Variants in TSN observed in about 807,000 individuals in gnomAD.
The protein encoded by TSN is component 3 of promoter of RISC.
Under a neutral mutation model 29.4 loss-of-function variants are expected in TSN, and 5 were observed. The observed-to-expected ratio is 0.17, with a 90% confidence interval of 0.09 to 0.36. The LOEUF is 0.36. TSN is among the 10% of genes least tolerant of loss of function. The pLI is 1.00. For synonymous variants in TSN, 106 were observed against 102.2 expected (o/e 1.04, Z -0.23); for missense variants, 159 against 272.8 (o/e 0.58, Z 2.94).
intron 1 of TSN, chr2:121,756,596 C>T (rs537426932): frequency 7.7e-7 from 1 of 1,291,286 alleles, no homozygotes; most frequent in South Asian, 1.2e-5. Context: ...TAAGTATGCT[C>T]AGTGAATATT....
In TSN at chr2:121,766,678, G is replaced by A. The variant is rs1573394343; in HGVS notation, c.*1311G>A. 6.6e-6 allele frequency: 1 copy of A among 152,190 alleles called. No homozygotes were observed. Among genetic ancestry groups the A allele is most frequent in the Admixed American group, 6.5e-5 (1 of 15,274 alleles). 9.4% of individuals were successfully genotyped at this position (152,190 alleles called of 1,614,324 possible). A position where few individuals can be genotyped will look rare whatever the true frequency, so the allele number is the denominator to read the frequency against. On this transcript the variant is annotated 3_prime_UTR_variant, in exon 6 of 6. Transcript: ENST00000389682. ...CTATTGAATTGAGATGATTAAAATG[G>A]TGACTTAATCCGTAGTTATTTTGCA...
chr2:121,756,677 G>A (rs1336412394), intron 1 of TSN: 2 of 1,281,438 alleles, frequency 1.6e-6, no homozygotes, highest in East Asian at 5.8e-5. Flanking sequence ...GGCCGAGGCG[G>A]CCAGATCACC....
chr2:121,765,464 A>T lies in TSN; in HGVS notation c.*97A>T. On this transcript the variant is annotated 3_prime_UTR_variant, in exon 6 of 6. Coordinates refer to ENST00000389682, the MANE Select transcript of TSN (RefSeq NM_004622.3). ...ACGGTAGTTAGGATGCTCAGTTGCT[A>T]AACACTGCGCTTTATTTTCTTAACC... 9.2e-7 allele frequency: 1 copy of T among 1,087,526 alleles called. No homozygotes were observed. The highest frequency in any genetic ancestry group is 1.4e-6 in the Non-Finnish European group (1 of 735,322). The allele number at this position is 1,087,526 out of a possible 1,614,324, so 67.4% of individuals were successfully genotyped here.
intron 2 of TSN, among the ~76,000 whole-genome samples, chr2:121,758,196 C>T (rs2074776096): frequency 6.6e-6 from 1 of 152,054 alleles, no homozygotes; most frequent in Non-Finnish European, 1.5e-5. Context: ...GACATGGAAC[C>T]TTCATTGTAA....
chr2:121,756,943 T>C (rs2074758682), intron 1 of TSN, among the ~76,000 whole-genome samples: 1 of 151,306 alleles, frequency 6.6e-6, no homozygotes, highest in Admixed American at 6.6e-5. Flanking sequence ...GAATTAGAAA[T>C]ACCCGACTCT....
chr2:121,760,871 C>CT (rs187719044), intron 3 of TSN, among the ~76,000 whole-genome samples: 23,590 of 132,802 alleles, frequency 0.18, 3,624 homozygotes, highest in African/African-American at 0.4. Context: ...TTTTTTCTGT[C>CT]TTTTTTTTTT....
chr2:121,757,194 CAA>C (rs1553420186), intron 1 of TSN, 44 bp from the exon 2 acceptor site: 9 of 1,556,140 alleles, frequency 5.8e-6, no homozygotes, highest in Middle Eastern at 3.4e-4. Flanking sequence ...GAGTGTATGA[CAA>C]TGATTCTGTT....
At chr2:121,762,942 A>G (rs1260016858) in intron 4 of TSN, 63 bp from the exon 5 acceptor site, 1 of 1,420,448 alleles carries the variant, frequency 7.0e-7, no homozygotes, top group Non-Finnish European at 9.6e-7. Context: ...TTATGTGTAT[A>G]TTTTTATATT....
In TSN at chr2:121,763,074, C is replaced by G. The variant is rs1202871759; in HGVS notation, c.443C>G (p.Ala148Gly). 3.1e-6 allele frequency: 5 copies of G among 1,607,730 alleles called. No individual in the cohort carries two copies. The highest frequency in any genetic ancestry group is 4.2e-6 in the Non-Finnish European group (5 of 1,177,878). ...EDYLSGVLIL[A>G]SELSRLSVNS... ...TATCTCTCAGGAGTTCTAATTCTTG[C>G]CAGTGAACTGGTAAGCTCAGTAACT... The change falls in exon 5 of 6, where the codon GCC becomes GGC. Residue 148 changes from alanine to glycine, a missense_variant. Physicochemically the swap from Ala to Gly is moderately conservative, Grantham distance 60 (BLOSUM62 0). Coordinates refer to ENST00000389682, the MANE Select transcript of TSN (RefSeq NM_004622.3).
intron 3 of TSN, among the ~76,000 whole-genome samples, chr2:121,759,472 G>T (rs2074791691): frequency 6.6e-6 from 1 of 152,116 alleles, no homozygotes. Context: ...GCCAGGTGTG[G>T]TGGCTTATCC....
Position 121,765,483 on chromosome 2 carries a change from C to G in TSN, c.*116C>G. The G allele has an allele frequency of 2.1e-6, 2 of 938,776 alleles. No homozygotes were observed. The highest frequency in any genetic ancestry group is 3.2e-6 in the Non-Finnish European group (2 of 620,588). 58.2% of individuals were successfully genotyped at this position (938,776 alleles called of 1,614,324 possible). On this transcript the variant is annotated 3_prime_UTR_variant, in exon 6 of 6. Transcript: ENST00000389682. ...GTTGCTAAACACTGCGCTTTATTTT[C>G]TTAACCAGTTGTGGTGTGAGTATCA...
intron 3 of TSN, among the ~76,000 whole-genome samples, chr2:121,760,057 G>C (rs890796540): frequency 6.6e-6 from 1 of 152,246 alleles, no homozygotes; most frequent in South Asian, 2.1e-4. Context: ...TCTGTGGCCT[G>C]TTAGGAACTG....
intron 4 of TSN, 105 bp downstream of exon 4, chr2:121,761,629 A>ATAAGTGGTTTTTAGTT: frequency 1.2e-6 from 1 of 856,148 alleles, no homozygotes; most frequent in Non-Finnish European, 2.0e-6. Flanking sequence ...AGAATTAACT[A>ATAAGTGGTTTTTAGTT]AAAACCACTT....
Position 121,758,704 on chromosome 2 carries a change from G to T in TSN, c.161-6G>T. ...AGTTTTTCATTTGGTTATCTTTTGTGACTAGTTCCAAAGAGGTGTTTGAAA... is the reference window on the plus strand; with the variant it reads ...AGTTTTTCATTTGGTTATCTTTTGTTACTAGTTCCAAAGAGGTGTTTGAAA... On this transcript the variant is annotated splice_polypyrimidine_tract_variant and splice_region_variant and intron_variant, in intron 2 of 5. Coordinates refer to ENST00000389682, the MANE Select transcript of TSN (RefSeq NM_004622.3). The T allele has an allele frequency of 6.4e-7, 1 of 1,559,906 alleles. No homozygotes were observed. Among genetic ancestry groups the T allele is most frequent in the South Asian group, 1.3e-5 (1 of 79,562 alleles).
intron 2 of TSN, chr2:121,757,596 C>T (rs2074768450): frequency 3.8e-6 from 2 of 521,978 alleles, no homozygotes; most frequent in East Asian, 3.9e-5. Context: ...AAAAAAAGTG[C>T]AGCTCTCTGC....
intron 2 of TSN, 150 bp from the exon 3 acceptor site, chr2:121,758,560 T>C (rs2106452818): frequency 2.1e-6 from 1 of 473,616 alleles, no homozygotes; most frequent in Non-Finnish European, 3.6e-6. Flanking sequence ...GGGGATGATA[T>C]TTTGAAAGCC....
In TSN at chr2:121,758,762, T is replaced by A; in HGVS notation, c.213T>A (p.His71Gln). Residue 71 changes from histidine (H) to glutamine (Q), a missense_variant, in exon 3 of 6, where the codon CAT becomes CAA. This residue lies in a region of TSN where 31 missense variants were observed against 26.1 expected (regional missense o/e 1.19). Coordinates refer to ENST00000389682, the MANE Select transcript of TSN (RefSeq NM_004622.3). ...AREHFGTVKTHLTSLKTKFPA... is the reference protein window; with the variant it reads ...AREHFGTVKTQLTSLKTKFPA... Reference sequence around the variant, plus strand: ...AACATTTTGGTACAGTAAAAACACATCTAACATCTTTGAAGACCAAATTTC... The same window carrying A: ...AACATTTTGGTACAGTAAAAACACAACTAACATCTTTGAAGACCAAATTTC... 6.3e-7 allele frequency: 1 copy of A among 1,595,896 alleles called. No individual in the cohort carries two copies. The highest frequency in any genetic ancestry group is 8.5e-7 in the Non-Finnish European group (1 of 1,172,580).
chr2:121,764,991 C>G, intron 5 of TSN, 143 bp from the exon 6 acceptor site: 1 of 730,892 alleles, frequency 1.4e-6, no homozygotes, highest in Non-Finnish European at 2.4e-6. Flanking sequence ...AAGCTCCTGT[C>G]TTGTCTGTAC....
chr2:121,761,591 G>C, intron 4 of TSN, 67 bp downstream of exon 4: 1 of 1,234,816 alleles, frequency 8.1e-7, no homozygotes, highest in South Asian at 1.2e-5. Flanking sequence ...TGGAAAGGGT[G>C]GTTGTACTTT....
Sources: allele counts gnomAD v4.1 joint callset (sites outside exome capture counted in the v4.1 genomes callset), GRCh38; gene constraint gnomAD v4.1.1; regional missense constraint gnomAD v4.1.1; transcripts MANE v1.5; gene names NCBI Gene and HGNC (gene_info 2026-07-23, HGNC 2026-07-21).